Variants in ZNF438 observed in about 807,000 individuals in gnomAD.
ZNF438 encodes the protein zinc finger protein 438.
A neutral mutation model predicts 38.0 loss-of-function variants in ZNF438; 25 were observed. That is an observed-to-expected ratio of 0.66 (90% CI 0.48 to 0.92). ZNF438 has a LOEUF of 0.92. Ranked by LOEUF, ZNF438 falls within the 40% of genes least tolerant of loss-of-function variation. The pLI is 0.00. For missense variants in ZNF438, 1,007 were observed against 999.6 expected (o/e 1.01, Z -0.10); for synonymous variants, 372 against 364.1 (o/e 1.02, Z -0.25).
chr10:30,871,005 A>C (rs769465637), intron 4 of ZNF438, among the ~76,000 whole-genome samples: 26 of 152,208 alleles, frequency 1.7e-4, no homozygotes, highest in Non-Finnish European at 3.5e-4. Flanking sequence ...ATGGAGAGGA[A>C]AGGGGAGATA....
chr10:30,887,313 G>A (rs1298661886), intron 3 of ZNF438, among the ~76,000 whole-genome samples: 1 of 152,158 alleles, frequency 6.6e-6, no homozygotes, highest in Admixed American at 6.5e-5. Flanking sequence ...ACTGACCCAG[G>A]TGCTTCTCCC....
chr10:30,884,891 T>C (rs1217861687), intron 3 of ZNF438, among the ~76,000 whole-genome samples: 1 of 152,188 alleles, frequency 6.6e-6, no homozygotes, highest in Admixed American at 6.5e-5. Flanking sequence ...TAAATGTAGA[T>C]AAAGAAACAT....
intron 4 of ZNF438, among the ~76,000 whole-genome samples, chr10:30,862,611 T>C (rs1335992278): frequency 3.3e-5 from 5 of 152,232 alleles, no homozygotes; most frequent in Non-Finnish European, 7.3e-5. Context: ...GGCCTACTTT[T>C]AGTTTTCAAT....
rs375624027 is a variant in ZNF438 at position 30,970,157 on chromosome 10, C to T, written c.-191-28506G>A. 2.6e-5 allele frequency among the ~76,000 whole-genome samples: 4 copies of T among 151,784 alleles called. No individual in the cohort carries two copies. In the East Asian group the frequency reaches 7.8e-4, roughly 29 times the overall value. On this transcript the variant is annotated intron_variant, in intron 1 of 5. Transcript: ENST00000413025. ...ACACACACACACATATACACACACA[C>T]ACATATATTAGGCCTTCAATATTTG...
chr10:30,854,396 G>C (rs2034253171), intron 4 of ZNF438, among the ~76,000 whole-genome samples: 1 of 152,180 alleles, frequency 6.6e-6, no homozygotes, highest in African/African-American at 2.4e-5. Flanking sequence ...GTTGGTCTGT[G>C]TCTTCAGGGC....
chr10:30,964,952 A>C (rs907159371), intron 1 of ZNF438, among the ~76,000 whole-genome samples: 4 of 152,220 alleles, frequency 2.6e-5, no homozygotes, highest in Non-Finnish European at 4.4e-5. Flanking sequence ...AGTGAGGCCT[A>C]ATTAAACTAA....
At chr10:30,943,220 T>A (rs1307952301) in intron 1 of ZNF438, among the ~76,000 whole-genome samples, 2 of 152,114 alleles carry the variant, frequency 1.3e-5, no homozygotes, top group African/African-American at 4.8e-5. Context: ...TTAGTGCAGT[T>A]AGTCATGTTA....
At chr10:30,997,513 G>T (rs1276275888) in intron 1 of ZNF438, among the ~76,000 whole-genome samples, 4 of 151,788 alleles carry the variant, frequency 2.6e-5, no homozygotes, top group Non-Finnish European at 5.9e-5. Flanking sequence ...GGCCTTGGAA[G>T]ATACGGCAGA....
chr10:30,898,627 G>C (rs192523124), intron 3 of ZNF438, among the ~76,000 whole-genome samples: 1 of 151,962 alleles, frequency 6.6e-6, no homozygotes, highest in African/African-American at 2.4e-5. Flanking sequence ...CGTTCTAAAA[G>C]GGGGGGAACG....
At chr10:31,003,522 C>G (rs186275184) in intron 1 of ZNF438, among the ~76,000 whole-genome samples, 2 of 152,272 alleles carry the variant, frequency 1.3e-5, no homozygotes, top group Admixed American at 1.3e-4. Flanking sequence ...AAACCTGTTC[C>G]CTGCAAGTTC....
intron 5 of ZNF438, among the ~76,000 whole-genome samples, chr10:30,848,230 G>C (rs1366176806): frequency 6.6e-6 from 1 of 152,166 alleles, no homozygotes; most frequent in Admixed American, 6.5e-5. Flanking sequence ...TGGGGCAAAT[G>C]ATGCTGTTTA....
intron 4 of ZNF438, among the ~76,000 whole-genome samples, 176 bp downstream of exon 5, chr10:30,876,822 G>T (rs939003403): frequency 3.9e-5 from 6 of 152,154 alleles, no homozygotes; most frequent in Middle Eastern, 6.8e-3. Flanking sequence ...TAAAACTCAG[G>T]AATCCATATA....
At chr10:31,030,522 C>G (rs2057218023) in intron 1 of ZNF438, among the ~76,000 whole-genome samples, 1 of 152,236 alleles carries the variant, frequency 6.6e-6, no homozygotes. Flanking sequence ...AACCAACAAA[C>G]AGATAAACCA....
At chr10:30,846,973 T>C (rs552109739) in intron 5 of ZNF438, among the ~76,000 whole-genome samples, 34 of 152,292 alleles carry the variant, frequency 2.2e-4, no homozygotes, top group South Asian at 1.0e-3. Flanking sequence ...TCCTACCCCA[T>C]TGGCCTGCTC....
In ZNF438 at chr10:30,917,213, T is replaced by C. The variant is rs573383382; in HGVS notation, c.-114-8198A>G. On this transcript the variant is annotated intron_variant, in intron 2 of 5. Coordinates refer to ENST00000413025, the Ensembl canonical transcript of ZNF438. ...ATTTGCCAGTGTTTCATTTTATGAA[T>C]AACCACAGTCTGTTTATCCATTCTC... 3.9e-5 allele frequency among the ~76,000 whole-genome samples: 6 copies of C among 152,252 alleles called. No individual in the cohort carries two copies. In the East Asian group the frequency reaches 1.2e-3, roughly 29 times the overall value.
intron 1 of ZNF438, among the ~76,000 whole-genome samples, 178 bp downstream of exon 2, chr10:30,984,191 T>C (rs561267886): frequency 2.0e-5 from 3 of 152,152 alleles, no homozygotes; most frequent in Non-Finnish European, 4.4e-5. Flanking sequence ...TGTTAGCTAT[T>C]AGGGAAATGT....
At chr10:30,896,648 G>A (rs2041387821) in intron 3 of ZNF438, among the ~76,000 whole-genome samples, 2 of 152,066 alleles carry the variant, frequency 1.3e-5, no homozygotes, top group Admixed American at 6.6e-5. Flanking sequence ...TGGGGGATAT[G>A]GGGTTGTGGG....
chr10:30,989,237 T>C (rs12413220), intron 1 of ZNF438, among the ~76,000 whole-genome samples: 1 of 152,228 alleles, frequency 6.6e-6, no homozygotes, highest in South Asian at 2.1e-4. Flanking sequence ...CTTTCTCTTG[T>C]TCTCTCTCTG....
intron 3 of ZNF438, among the ~76,000 whole-genome samples, chr10:30,886,970 A>T (rs2040031018): frequency 6.6e-6 from 1 of 152,280 alleles, no homozygotes; most frequent in African/African-American, 2.4e-5. Flanking sequence ...ATCTTAGAGG[A>T]CTTGCTAGAG....
Sources: gnomAD v4.1 joint callset for allele counts (sites outside exome capture counted in the v4.1 genomes callset) on GRCh38, gnomAD v4.1.1 for gene constraint, MANE v1.5 for transcripts, NCBI Gene and HGNC (gene_info 2026-07-23, HGNC 2026-07-21) for gene names.